Variants in COL25A1 observed in about 807,000 individuals in gnomAD.
The protein encoded by COL25A1 is collagen alpha-1(XXV) chain.
COL25A1 carries 103 observed loss-of-function variants against 128.4 expected under a neutral mutation model. That is an observed-to-expected ratio of 0.80 (90% CI 0.68 to 0.94). The LOEUF (loss-of-function observed/expected upper bound fraction) is 0.94, where lower values mean the gene tolerates loss of function less well. Ranked by LOEUF, COL25A1 falls within the 40% of genes least tolerant of loss-of-function variation. The pLI is 0.00. For synonymous variants in COL25A1, 279 were observed against 277.2 expected, an observed-to-expected ratio of 1.01 and a Z score of -0.06; for missense variants, 745 against 840.0, an observed-to-expected ratio of 0.89 and a Z score of 1.40.
chr4:108,835,018 A>G (rs1578488713), intron 31 of COL25A1, among the ~76,000 whole-genome samples: 1 of 152,214 alleles, frequency 6.6e-6, no homozygotes, highest in Non-Finnish European at 1.5e-5. Flanking sequence ...GGAAAAAGCC[A>G]GAAAACAATG....
chr4:108,964,700 C>A (rs956801813), intron 8 of COL25A1, among the ~76,000 whole-genome samples: 2 of 151,836 alleles, frequency 1.3e-5, no homozygotes, highest in African/African-American at 4.8e-5. Flanking sequence ...CTAAATTGAC[C>A]GATATTAGGA....
At position 108,991,907 on chromosome 4, in the gene COL25A1, T is replaced by C. The variant is rs75945544; in HGVS notation, c.439-17348A>G. Among the ~76,000 whole-genome samples, 1,493 of 152,328 alleles carry C rather than the reference T, an allele frequency of 9.8e-3. 27 individuals carry two copies. The highest frequency in any genetic ancestry group is 0.034 in the African/African-American group (1,416 of 41,568). On this transcript the variant is annotated intron_variant, in intron 6 of 37. Transcript: ENST00000399132. ...TAATATTTTATTCAGGAATAATTCC[T>C]TTTTAAGGCACACACAGCTTGAGTT...
intron 3 of COL25A1, among the ~76,000 whole-genome samples, chr4:109,103,152 T>C (rs905596044): frequency 1.3e-5 from 2 of 152,156 alleles, no homozygotes; most frequent in African/African-American, 4.8e-5. Context: ...TACAAAGAGA[T>C]CTTATTTCAT....
chr4:109,021,154 T>C (rs953010368), intron 5 of COL25A1, among the ~76,000 whole-genome samples: 4 of 152,240 alleles, frequency 2.6e-5, no homozygotes, highest in Admixed American at 2.0e-4. Flanking sequence ...TGTATTTTTA[T>C]GTCATATCAT....
At chr4:109,179,115 T>C (rs1319783830) in intron 3 of COL25A1, among the ~76,000 whole-genome samples, 1 of 152,150 alleles carries the variant, frequency 6.6e-6, no homozygotes, top group East Asian at 1.9e-4. Context: ...CAGGAAATCT[T>C]ATCCTCAACT....
At chr4:109,263,090 T>C (rs575744315) in intron 3 of COL25A1, among the ~76,000 whole-genome samples, 74 of 151,818 alleles carry the variant, frequency 4.9e-4, no homozygotes, top group African/African-American at 1.7e-3. Flanking sequence ...GATCACACCA[T>C]TGCATTCCAG....
chr4:108,899,229 A>T lies in COL25A1; in HGVS notation c.835-49T>A, dbSNP rs1299394542. ...GTGACATCAAATCATAAAACACCTA[A>T]TTTTATTATCATTATTAAACAAAAC... On this transcript the variant is annotated intron_variant, in intron 14 of 37. Coordinates refer to ENST00000399132, the MANE Select transcript of COL25A1 (RefSeq NM_198721.4). 4.6e-6 allele frequency: 7 copies of T among 1,517,914 alleles called. No individual in the cohort carries two copies. The East Asian group carries it at 1.6e-4, about 35-fold the overall frequency. The allele number at this position is 1,517,914 out of a possible 1,614,324, so 94.0% of individuals were successfully genotyped here.
intron 5 of COL25A1, among the ~76,000 whole-genome samples, chr4:109,026,102 A>G (rs748149613): frequency 1.3e-3 from 163 of 129,074 alleles, no homozygotes; most frequent in Non-Finnish European, 2.0e-3. Context: ...AACACTTTGC[A>G]CACACACACA....
intron 3 of COL25A1, among the ~76,000 whole-genome samples, chr4:109,255,023 G>A (rs1721443223): frequency 6.6e-6 from 1 of 152,204 alleles, no homozygotes; most frequent in African/African-American, 2.4e-5. Context: ...ATGAATTGGA[G>A]TCACTGGGCA....
chr4:109,098,350 G>C (rs1020741885), intron 3 of COL25A1, among the ~76,000 whole-genome samples: 1 of 152,134 alleles, frequency 6.6e-6, no homozygotes, highest in Admixed American at 6.5e-5. Context: ...AGGAAACTGG[G>C]AACCCAAGAA....
At chr4:109,022,317 G>A (rs759515637) in intron 5 of COL25A1, 31 of 343,792 alleles carry the variant, frequency 9.0e-5, no homozygotes, top group East Asian at 3.4e-4. Flanking sequence ...GATATTTCAC[G>A]ATCCATGATA....
intron 13 of COL25A1, among the ~76,000 whole-genome samples, chr4:108,914,363 A>C (rs942583389): frequency 1.3e-5 from 2 of 152,190 alleles, no homozygotes; most frequent in Admixed American, 6.5e-5. Flanking sequence ...GAAAGAGCAC[A>C]GAGTGTTCTG....
intron 3 of COL25A1, among the ~76,000 whole-genome samples, chr4:109,273,128 C>A (rs6857726): frequency 0.22 from 33,152 of 151,932 alleles, 4,212 homozygotes; most frequent in Middle Eastern, 0.3. Context: ...AAAAGAGGTC[C>A]GATGCCACAA....
intron 3 of COL25A1, among the ~76,000 whole-genome samples, chr4:109,074,087 T>C (rs1297187669): frequency 6.6e-6 from 1 of 152,176 alleles, no homozygotes; most frequent in Non-Finnish European, 1.5e-5. Flanking sequence ...CATCAGGCAT[T>C]AGATTCTCGT....
chr4:108,951,540 C>T (rs956479493), intron 8 of COL25A1, among the ~76,000 whole-genome samples: 3 of 151,912 alleles, frequency 2.0e-5, no homozygotes, highest in Admixed American at 2.0e-4. Flanking sequence ...TGCCCACCAC[C>T]ACGCCCGGCA....
chr4:108,836,138 G>C (rs1383182375), intron 31 of COL25A1, among the ~76,000 whole-genome samples: 1 of 151,600 alleles, frequency 6.6e-6, no homozygotes, highest in African/African-American at 2.4e-5. Context: ...CCAAAGTGCT[G>C]GGATTACAGG....
chr4:109,195,961 T>C lies in COL25A1; in HGVS notation c.367+104622A>G, dbSNP rs150018509. On this transcript the variant is annotated intron_variant, in intron 3 of 37. Coordinates refer to ENST00000399132, the MANE Select transcript of COL25A1 (RefSeq NM_198721.4). ...TATAGGGACTTCCAGCTATTCTTTCTAATTTCATATTTACAGAGCCCTGTG... is the reference window on the plus strand; with the variant it reads ...TATAGGGACTTCCAGCTATTCTTTCCAATTTCATATTTACAGAGCCCTGTG... 7.7e-3 allele frequency among the ~76,000 whole-genome samples: 1,168 copies of C among 152,356 alleles called. 57 individuals carry two copies. The South Asian group carries it at 0.14, about 18-fold the overall frequency.
At chr4:108,953,054 A>G (rs1285942794) in intron 8 of COL25A1, among the ~76,000 whole-genome samples, 2 of 152,066 alleles carry the variant, frequency 1.3e-5, no homozygotes, top group African/African-American at 4.8e-5. Flanking sequence ...CCTATAATGG[A>G]TGGAAAATCA....
At chr4:108,899,307 A>G (rs1742545332) in intron 14 of COL25A1, 127 bp from the exon 15 acceptor site, 1 of 732,968 alleles carries the variant, frequency 1.4e-6, no homozygotes, top group Non-Finnish European at 2.2e-6. Context: ...TTTTGGCTAC[A>G]TGCAGTTGCT....
Sources: allele counts gnomAD v4.1 joint callset (sites outside exome capture counted in the v4.1 genomes callset), GRCh38; gene constraint gnomAD v4.1.1; transcripts MANE v1.5; gene names NCBI Gene and HGNC (gene_info 2026-07-23, HGNC 2026-07-21).